Variants in MYO1D observed in about 807,000 individuals in gnomAD.
The protein encoded by MYO1D is myosin ID.
A neutral mutation model predicts 122.0 loss-of-function variants in MYO1D; 83 were observed. The ratio of observed to expected loss-of-function variants is 0.68; its 90% confidence interval spans 0.57 to 0.82. MYO1D has a LOEUF of 0.82. Ranked by LOEUF, MYO1D falls within the 40% of genes least tolerant of loss-of-function variation. The pLI is 0.00. For missense variants in MYO1D, 1,157 were observed against 1,269.5 expected (o/e 0.91, Z 1.35); for synonymous variants, 464 against 446.9 (o/e 1.04, Z -0.48).
chr17:32,844,335 T>C (rs1244859440), intron 1 of MYO1D, among the ~76,000 whole-genome samples: 2 of 146,878 alleles, frequency 1.4e-5, no homozygotes, highest in South Asian at 4.2e-4. Flanking sequence ...ATAATATGTA[T>C]ATGTATATAT....
In MYO1D at chr17:32,760,278, G is replaced by C; in HGVS notation, c.1296+12C>G. ...AAACACATGAAGGCATTTTCCATAA[G>C]AGTCCACTCACATGTTTCCAGGGGA... On this transcript the variant is annotated intron_variant, in intron 10 of 21. Coordinates refer to ENST00000318217, the MANE Select transcript of MYO1D (RefSeq NM_015194.3). The C allele has an allele frequency of 6.3e-7, 1 of 1,578,848 alleles. No individual in the cohort carries two copies. The highest frequency in any genetic ancestry group is 1.1e-5 in the South Asian group (1 of 88,932).
intron 21 of MYO1D, among the ~76,000 whole-genome samples, chr17:32,577,738 T>TC (rs2087291858): frequency 7.0e-6 from 1 of 142,720 alleles, no homozygotes; most frequent in African/African-American, 2.6e-5. Flanking sequence ...TACATATTTC[T>TC]TTTTTTTTTT....
At chr17:32,639,363 TTGTGTGTGTGTGTGTGTG>T (rs10674390) in intron 19 of MYO1D, among the ~76,000 whole-genome samples, 18 of 128,268 alleles carry the variant, frequency 1.4e-4, no homozygotes, top group Non-Finnish European at 2.2e-4. Context: ...GGGAGAAATT[TTGTGTGTGTGTGTGTGTG>T]TGTGTGTGTG....
intron 21 of MYO1D, among the ~76,000 whole-genome samples, chr17:32,548,941 T>C (rs536477935): frequency 3.4e-4 from 52 of 152,228 alleles, no homozygotes; most frequent in Admixed American, 2.0e-3. Context: ...CTTGAATTCC[T>C]GACCTCAAAT....
chr17:32,801,893 G>C (rs879487536), intron 1 of MYO1D, among the ~76,000 whole-genome samples: 3 of 152,178 alleles, frequency 2.0e-5, no homozygotes, highest in Admixed American at 1.3e-4. Flanking sequence ...CAGAAAATAA[G>C]GAAGTTCTCA....
At chr17:32,741,957 G>A (rs1236226224) in intron 13 of MYO1D, among the ~76,000 whole-genome samples, 13 of 150,096 alleles carry the variant, frequency 8.7e-5, no homozygotes, top group African/African-American at 2.9e-4. Context: ...GGAGCTTGCA[G>A]TGAGCCGAGA....
chr17:32,532,000 C>T (rs1910520162), intron 21 of MYO1D, among the ~76,000 whole-genome samples: 1 of 152,188 alleles, frequency 6.6e-6, no homozygotes, highest in Non-Finnish European at 1.5e-5. Flanking sequence ...GGCTGCAAAC[C>T]ACCATGACCA....
Position 32,876,819 on chromosome 17 carries a change from G to A in MYO1D, c.54C>T (p.Asp18=). The part of the protein sequence containing the change: ...EFGKADFVLM[D]TVSMPEFMAN... The stretch of plus-strand genomic sequence containing the variant: ...CCATGAACTCGGGCATGGAGACGGT[G>A]TCCATCAGCACGAAGTCTGCCTTGC... Residue 18 remains aspartate, a synonymous_variant, in exon 1 of 22, where the codon GAC becomes GAT. Transcript: ENST00000318217. 1.3e-6 allele frequency: 2 copies of A among 1,526,722 alleles called. No individual in the cohort carries two copies. Among genetic ancestry groups the A allele is most frequent in the Non-Finnish European group, 8.8e-7 (1 of 1,137,840 alleles). The allele number at this position is 1,526,722 out of a possible 1,614,324, so 94.6% of individuals were successfully genotyped here. A position where few individuals can be genotyped will look rare whatever the true frequency, so the allele number is the denominator to read the frequency against.
intron 21 of MYO1D, among the ~76,000 whole-genome samples, chr17:32,568,568 A>G (rs2087194985): frequency 6.6e-6 from 1 of 152,172 alleles, no homozygotes; most frequent in African/African-American, 2.4e-5. Flanking sequence ...CTTATCATCT[A>G]TCTGGGACAC....
At chr17:32,868,215 A>G (rs549635400) in intron 1 of MYO1D, among the ~76,000 whole-genome samples, 122 of 152,330 alleles carry the variant, frequency 8.0e-4, no homozygotes, top group African/African-American at 2.7e-3. Context: ...GCAGAGACAG[A>G]GGGGTACCCA....
At position 32,707,464 on chromosome 17, in the gene MYO1D, C is replaced by G. The variant is rs946914785; in HGVS notation, c.2121+4524G>C. ...AAACCATATATACTCTTCAACTTAACAATCTCACTCCTGGGAATTCAGCGC... is the reference window on the plus strand; with the variant it reads ...AAACCATATATACTCTTCAACTTAAGAATCTCACTCCTGGGAATTCAGCGC... On this transcript the variant is annotated intron_variant, in intron 16 of 21. Coordinates refer to ENST00000318217, the MANE Select transcript of MYO1D (RefSeq NM_015194.3). Among the ~76,000 whole-genome samples, 14 of 152,262 alleles carry G rather than the reference C, an allele frequency of 9.2e-5. No homozygotes were observed. The Middle Eastern group carries it at 0.014, about 148-fold the overall frequency.
chr17:32,805,235 T>C (rs973789788), intron 1 of MYO1D, among the ~76,000 whole-genome samples: 1 of 152,224 alleles, frequency 6.6e-6, no homozygotes, highest in Non-Finnish European at 1.5e-5. Context: ...TCCAGAACTG[T>C]GAGCAATACA....
At chr17:32,552,104 C>T (rs890478604) in intron 21 of MYO1D, among the ~76,000 whole-genome samples, 2 of 152,204 alleles carry the variant, frequency 1.3e-5, no homozygotes, top group Non-Finnish European at 2.9e-5. Context: ...TGGACAGGGT[C>T]TTGCTTTGTT....
At chr17:32,659,526 T>C (rs1438597646) in intron 16 of MYO1D, 188 bp from the exon 17 acceptor site, 1 of 603,996 alleles carries the variant, frequency 1.7e-6, no homozygotes, top group Non-Finnish European at 2.9e-6. Context: ...GTCACATCAG[T>C]CATTTTGTTT....
intron 16 of MYO1D, among the ~76,000 whole-genome samples, chr17:32,679,164 T>C (rs895638015): frequency 3.3e-5 from 5 of 152,066 alleles, no homozygotes; most frequent in Non-Finnish European, 7.4e-5. Flanking sequence ...TATTAGCCCT[T>C]TGTCAGATGA....
intron 20 of MYO1D, among the ~76,000 whole-genome samples, chr17:32,616,751 C>A (rs2087774580): frequency 6.6e-6 from 1 of 152,168 alleles, no homozygotes; most frequent in Non-Finnish European, 1.5e-5. Context: ...ATCCTCACCC[C>A]TTCAATCTAG....
At chr17:32,609,776 G>A (rs1343637463) in intron 20 of MYO1D, among the ~76,000 whole-genome samples, 3 of 152,292 alleles carry the variant, frequency 2.0e-5, no homozygotes, top group Admixed American at 2.0e-4. Context: ...GCTTAATGGA[G>A]AGAAGGGAAA....
chr17:32,789,523 C>T (rs988471654), intron 1 of MYO1D, among the ~76,000 whole-genome samples: 3 of 152,224 alleles, frequency 2.0e-5, no homozygotes, highest in South Asian at 4.2e-4. Context: ...AAATAAAAAA[C>T]ACACATCATT....
chr17:32,820,681 T>C (rs530000814), intron 1 of MYO1D, among the ~76,000 whole-genome samples: 1 of 152,260 alleles, frequency 6.6e-6, no homozygotes, highest in East Asian at 1.9e-4. Context: ...TGGAGAGATA[T>C]TGGTCAAAGG....
Sources: gnomAD v4.1 joint callset for allele counts (sites outside exome capture counted in the v4.1 genomes callset) on GRCh38, gnomAD v4.1.1 for gene constraint, MANE v1.5 for transcripts, NCBI Gene and HGNC (gene_info 2026-07-23, HGNC 2026-07-21) for gene names.